The following ZNF710 variants were observed in gnomAD, a reference collection of about 807,000 sequenced individuals.
ZNF710 encodes zinc finger protein 710.
In ZNF710, 13 loss-of-function variants were observed where a neutral mutation model predicts 50.6. The observed-to-expected ratio is 0.26, with a 90% CI of 0.17 to 0.41. The LOEUF is 0.41. ZNF710 is among the 10% of genes least tolerant of loss of function. ZNF710 has a pLI of 1.00. For missense variants in ZNF710, 721 were observed against 936.6 expected (o/e 0.77, Z 3.01); for synonymous variants, 383 against 397.0 (o/e 0.96, Z 0.42).
chr15:90,080,085 T>G lies in ZNF710; in HGVS notation c.*256T>G. 1 of 369,152 alleles carries G rather than the reference T, an allele frequency of 2.7e-6. No individual in the cohort carries two copies. The highest frequency in any genetic ancestry group is 5.6e-5 in the East Asian group (1 of 17,824). The allele number at this position is 369,152 out of a possible 1,614,324, so 22.9% of individuals were successfully genotyped here. A position where few individuals can be genotyped will look rare whatever the true frequency, so the allele number is the denominator to read the frequency against. ...AACACGCGAGGCCCAGATCTGGGTC[T>G]CCCTGGCCTGCTTCCGTGGGGAGTG... On this transcript the variant is annotated 3_prime_UTR_variant, in exon 5 of 5. Coordinates refer to ENST00000268154, the MANE Select transcript of ZNF710 (RefSeq NM_198526.4).
chr15:90,004,424 G>T (rs928148141), intron 1 of ZNF710, among the ~76,000 whole-genome samples: 3 of 152,192 alleles, frequency 2.0e-5, no homozygotes, highest in Non-Finnish European at 2.9e-5. Flanking sequence ...CTTGGCGCAG[G>T]CTCATAATCT....
At chr15:90,046,756 G>C (rs888599288) in intron 1 of ZNF710, among the ~76,000 whole-genome samples, 42 of 152,312 alleles carry the variant, frequency 2.8e-4, no homozygotes, top group African/African-American at 9.1e-4. Context: ...AAGGGGTTGG[G>C]GAAAAGGCTG....
intron 2 of ZNF710, among the ~76,000 whole-genome samples, chr15:90,069,776 C>A (rs1341486422): frequency 2.0e-5 from 3 of 152,182 alleles, no homozygotes; most frequent in Non-Finnish European, 4.4e-5. Flanking sequence ...ACTTTCTAAT[C>A]TACCATGTCC....
intron 1 of ZNF710, among the ~76,000 whole-genome samples, chr15:90,043,135 G>T (rs1426253077): frequency 1.3e-5 from 2 of 152,256 alleles, no homozygotes; most frequent in African/African-American, 2.4e-5. Context: ...AGCACCTCCT[G>T]TGTGCAGGCA....
intron 1 of ZNF710, among the ~76,000 whole-genome samples, chr15:90,030,494 T>C (rs1461411816): frequency 6.6e-6 from 1 of 152,118 alleles, no homozygotes; most frequent in African/African-American, 2.4e-5. Flanking sequence ...TTTCATTTCC[T>C]TGTCTCTGAA....
Position 90,044,664 on chromosome 15 carries a change from C to T in ZNF710, c.-28-22446C>T, listed in dbSNP as rs577244218. On this transcript the variant is annotated intron_variant, in intron 1 of 4. Coordinates refer to ENST00000268154, the MANE Select transcript of ZNF710 (RefSeq NM_198526.4). Reference sequence around the variant, plus strand: ...CCAAACAGAACAGTTTGGTTTTTTCCCTGTAGGCCTCTTTATTTTTCTTTA... The same window carrying T: ...CCAAACAGAACAGTTTGGTTTTTTCTCTGTAGGCCTCTTTATTTTTCTTTA... Among the ~76,000 whole-genome samples the T allele has an allele frequency of 2.0e-5, 3 of 152,202 alleles. No individual in the cohort carries two copies. The South Asian group carries it at 6.2e-4, about 32-fold the overall frequency.
chr15:90,065,207 A>C (rs1567239591), intron 1 of ZNF710, among the ~76,000 whole-genome samples: 1 of 152,114 alleles, frequency 6.6e-6, no homozygotes, highest in Non-Finnish European at 1.5e-5. Context: ...CGTCCTCAGG[A>C]AGGGGAAGCT....
intron 1 of ZNF710, among the ~76,000 whole-genome samples, chr15:90,020,682 T>C (rs1027040909): frequency 6.6e-6 from 1 of 152,224 alleles, no homozygotes; most frequent in African/African-American, 2.4e-5. Context: ...GTTTAAATTT[T>C]AATATGCTCT....
At chr15:90,056,925 G>C (rs1015262483) in intron 1 of ZNF710, among the ~76,000 whole-genome samples, 1 of 152,108 alleles carries the variant, frequency 6.6e-6, no homozygotes, top group Non-Finnish European at 1.5e-5. Context: ...TTGCCAGCGA[G>C]GGTTCCCCAG....
chr15:90,010,584 G>A (rs756241745), intron 1 of ZNF710, among the ~76,000 whole-genome samples: 2 of 151,958 alleles, frequency 1.3e-5, no homozygotes, highest in African/African-American at 4.8e-5. Context: ...GTGAGCCACC[G>A]CACCTGGCCA....
upstream of ZNF710, among the ~76,000 whole-genome samples, chr15:89,999,949 G>C (rs528955665): frequency 6.6e-6 from 1 of 151,876 alleles, no homozygotes; most frequent in Non-Finnish European, 1.5e-5. Context: ...AGGGAGGGGA[G>C]AGGATCCAGG....
chr15:90,060,580 G>A (rs749433476), intron 1 of ZNF710, among the ~76,000 whole-genome samples: 2 of 151,868 alleles, frequency 1.3e-5, no homozygotes, highest in Admixed American at 6.6e-5. Context: ...CAGGCCGGGC[G>A]CAGTAGCTCA....
At chr15:90,011,119 G>A (rs1006411591) in intron 1 of ZNF710, among the ~76,000 whole-genome samples, 1 of 152,048 alleles carries the variant, frequency 6.6e-6, no homozygotes, top group African/African-American at 2.4e-5. Flanking sequence ...TAGTAGAGAT[G>A]GGGTTTCACC....
chr15:90,040,397 A>G lies in ZNF710; in HGVS notation c.-28-26713A>G, dbSNP rs1395814517. On this transcript the variant is annotated intron_variant, in intron 1 of 4. Transcript: ENST00000268154. The surrounding 1 kb of genome is among the most constrained non-coding windows in gnomAD (Gnocchi z 4.6). ...ACTCCGCAGATTTTCCCTGCAAGGTACAAGCCCTCCAGCCTCTTCCACCCA... is the reference window on the plus strand; with the variant it reads ...ACTCCGCAGATTTTCCCTGCAAGGTGCAAGCCCTCCAGCCTCTTCCACCCA... 5.9e-5 allele frequency among the ~76,000 whole-genome samples: 9 copies of G among 152,212 alleles called. No individual in the cohort carries two copies. Among genetic ancestry groups the G allele is most frequent in the South Asian group, 2.1e-4 (1 of 4,834 alleles).
chr15:90,042,684 G>A lies in ZNF710; in HGVS notation c.-28-24426G>A, dbSNP rs186338161. Among the ~76,000 whole-genome samples, 6 of 152,288 alleles carry A rather than the reference G, an allele frequency of 3.9e-5. 1 individual carries two copies. The highest frequency in any genetic ancestry group is 3.9e-4 in the Admixed American group (6 of 15,292). ...CAGGAGAAGGGAAGACAAAGAAGGG[G>A]GACAGGGAACACTCACCTGTGATCG... On this transcript the variant is annotated intron_variant, in intron 1 of 4. Coordinates refer to ENST00000268154, the MANE Select transcript of ZNF710 (RefSeq NM_198526.4).
At chr15:90,076,651 G>C (rs1900597285) in intron 4 of ZNF710, 1 of 149,866 alleles carries the variant, frequency 6.7e-6, no homozygotes, top group East Asian at 2.0e-4. Flanking sequence ...TGAGGCAGGA[G>C]AATCACTTGA....
chr15:90,065,332 G>A (rs1004770647), intron 1 of ZNF710, among the ~76,000 whole-genome samples: 1 of 152,162 alleles, frequency 6.6e-6, no homozygotes, highest in Non-Finnish European at 1.5e-5. Flanking sequence ...GGTCCGTTGG[G>A]AGCCCTGGGA....
At chr15:90,076,385 G>C (rs974227362) in intron 4 of ZNF710, 1 of 152,212 alleles carries the variant, frequency 6.6e-6, no homozygotes, top group South Asian at 2.1e-4. Context: ...AGAGCAGAAC[G>C]TGCCCTTTTG....
chr15:90,073,988 T>TAA (rs1900489672), intron 3 of ZNF710, 128 bp from the exon 4 acceptor site: 1 of 753,166 alleles, frequency 1.3e-6, no homozygotes, highest in Admixed American at 6.0e-5. Context: ...AGAGTCTGTC[T>TAA]CAAAAAAAAA....
Sources: allele counts gnomAD v4.1 joint callset (sites outside exome capture counted in the v4.1 genomes callset), GRCh38; gene constraint gnomAD v4.1.1; non-coding constraint Gnocchi (gnomAD v3.1); transcripts MANE v1.5; gene names NCBI Gene and HGNC (gene_info 2026-07-23, HGNC 2026-07-21).